OPCML: variants seen among roughly 807,000 people sequenced by gnomAD.
The protein encoded by OPCML is opioid-binding protein/cell adhesion molecule.
Under a neutral mutation model 37.8 loss-of-function variants are expected in OPCML, and 13 were observed. That is an observed-to-expected ratio of 0.34 (90% CI 0.22 to 0.55). The LOEUF is 0.55. Ranked by LOEUF, OPCML falls within the 20% of genes least tolerant of loss-of-function variation. The probability of loss-of-function intolerance (pLI) is 0.91; values close to 1 mark genes in which losing one functional copy is unlikely to be tolerated. For missense variants in OPCML, 341 were observed against 435.6 expected, an observed-to-expected ratio of 0.78 and a Z score of 1.93; for synonymous variants, 176 against 168.8, an observed-to-expected ratio of 1.04 and a Z score of -0.33.
At chr11:133,364,468 A>T (rs889026149) in intron 1 of OPCML, among the ~76,000 whole-genome samples, 1 of 152,178 alleles carries the variant, frequency 6.6e-6, no homozygotes, top group Non-Finnish European at 1.5e-5. Context: ...GACAGAAATT[A>T]ATAGTTCAGG....
intron 2 of OPCML, among the ~76,000 whole-genome samples, chr11:132,807,018 C>A (rs1185166339): frequency 6.6e-6 from 1 of 152,092 alleles, no homozygotes; most frequent in Non-Finnish European, 1.5e-5. Context: ...AGAGATGCCC[C>A]TAACGGAATG....
chr11:133,375,767 T>A (rs1944789183), intron 1 of OPCML, among the ~76,000 whole-genome samples: 1 of 152,206 alleles, frequency 6.6e-6, no homozygotes, highest in Non-Finnish European at 1.5e-5. Flanking sequence ...ATTCAAGCTG[T>A]CAGCTGTCTT....
chr11:132,893,216 C>T (rs76031652), intron 2 of OPCML, among the ~76,000 whole-genome samples: 4 of 152,196 alleles, frequency 2.6e-5, no homozygotes, highest in African/African-American at 9.6e-5. Flanking sequence ...GAGCCAAGAT[C>T]GTGCCGCTGC....
intron 1 of OPCML, among the ~76,000 whole-genome samples, chr11:133,374,717 A>C (rs1003180853): frequency 6.6e-6 from 1 of 152,134 alleles, no homozygotes; most frequent in Non-Finnish European, 1.5e-5. Flanking sequence ...TCCAATCAAA[A>C]GTTTTTATTT....
chr11:132,974,010 T>C (rs1946403834), intron 1 of OPCML, among the ~76,000 whole-genome samples: 1 of 152,250 alleles, frequency 6.6e-6, no homozygotes, highest in South Asian at 2.1e-4. Context: ...TATCTACACG[T>C]GGGTCTTCTT....
intron 1 of OPCML, among the ~76,000 whole-genome samples, chr11:133,148,768 A>AGTT (rs1949933698): frequency 1.3e-5 from 2 of 152,174 alleles, no homozygotes; most frequent in Admixed American, 1.3e-4. Context: ...GCTGTCCAGG[A>AGTT]TCAGAGAGAC....
At chr11:132,975,736 C>T (rs1946449004) in intron 1 of OPCML, among the ~76,000 whole-genome samples, 1 of 151,970 alleles carries the variant, frequency 6.6e-6, no homozygotes, top group Non-Finnish European at 1.5e-5. Flanking sequence ...GATCTGTCCA[C>T]ATAGTAGGCA....
intron 1 of OPCML, among the ~76,000 whole-genome samples, chr11:133,110,434 T>G (rs150637555): frequency 6.6e-5 from 10 of 152,276 alleles, no homozygotes; most frequent in Admixed American, 1.3e-4. Flanking sequence ...TGTTGTTGTG[T>G]GACTTAGGCT....
intron 2 of OPCML, among the ~76,000 whole-genome samples, chr11:132,941,398 T>C (rs1393140456): frequency 6.6e-6 from 1 of 152,168 alleles, no homozygotes; most frequent in Admixed American, 6.5e-5. Flanking sequence ...GCACATTAGA[T>C]GGTAAAGAGG....
intron 1 of OPCML, among the ~76,000 whole-genome samples, chr11:133,436,676 G>A (rs1242726938): frequency 6.6e-6 from 1 of 152,120 alleles, no homozygotes; most frequent in Admixed American, 6.6e-5. Flanking sequence ...CGGGTTTAGG[G>A]CCCAGTTCCA....
chr11:132,704,932 G>A (rs1295730204), intron 2 of OPCML, among the ~76,000 whole-genome samples: 1 of 152,206 alleles, frequency 6.6e-6, no homozygotes, highest in Non-Finnish European at 1.5e-5. Context: ...GGAAGTTAAT[G>A]TTTAACCAAT....
At chr11:132,662,945 A>G (rs530242257) in intron 2 of OPCML, among the ~76,000 whole-genome samples, 13 of 152,350 alleles carry the variant, frequency 8.5e-5, no homozygotes, top group Admixed American at 7.8e-4. Context: ...TGATATTTTG[A>G]TAAACTGAGA....
At chr11:132,842,457 G>A (rs887152432) in intron 2 of OPCML, among the ~76,000 whole-genome samples, 3 of 152,174 alleles carry the variant, frequency 2.0e-5, no homozygotes, top group African/African-American at 7.2e-5. Context: ...AACTTGGTTT[G>A]AGGACCAAAG....
At chr11:133,525,528 G>A (rs530577027) in intron 1 of OPCML, among the ~76,000 whole-genome samples, 12 of 151,314 alleles carry the variant, frequency 7.9e-5, no homozygotes, top group African/African-American at 1.9e-4. Flanking sequence ...TTTAGGCAAC[G>A]CGAAGATCAG....
intron 4 of OPCML, among the ~76,000 whole-genome samples, chr11:132,499,924 T>C (rs1175661688): frequency 6.6e-6 from 1 of 152,210 alleles, no homozygotes; most frequent in Non-Finnish European, 1.5e-5. Flanking sequence ...AGGCATATAG[T>C]ACATGAAGAA....
intron 2 of OPCML, among the ~76,000 whole-genome samples, chr11:132,785,836 T>C (rs1026248781): frequency 1.3e-5 from 2 of 152,168 alleles, no homozygotes. Context: ...AGACCTCAGA[T>C]CTAAATTTTC....
chr11:132,520,432 T>C (rs1253104391), intron 4 of OPCML, among the ~76,000 whole-genome samples: 1 of 152,204 alleles, frequency 6.6e-6, no homozygotes, highest in Non-Finnish European at 1.5e-5. Context: ...GGAGCTGCTA[T>C]AAACCCACTT....
chr11:133,508,814 CTCGAG>C lies in OPCML; in HGVS notation c.61+23445_61+23449del, dbSNP rs552337236. On this transcript the variant is annotated intron_variant, in intron 1 of 7. Transcript: ENST00000524381. ...ACAGCAAGGAAAGCGCTGAAAACGACTCGAGTCAAGAATGAACACTTGCTGTGCCT... is the reference window on the plus strand; with the variant it reads ...ACAGCAAGGAAAGCGCTGAAAACGACTCAAGAATGAACACTTGCTGTGCCT... Among the ~76,000 whole-genome samples the C allele has an allele frequency of 2.4e-4, 36 of 152,316 alleles. No individual in the cohort carries two copies. In the East Asian group the frequency reaches 6.4e-3, roughly 27 times the overall value.
intron 1 of OPCML, among the ~76,000 whole-genome samples, chr11:133,198,679 CAG>C: frequency 6.6e-6 from 1 of 152,222 alleles, no homozygotes; most frequent in East Asian, 1.9e-4. Flanking sequence ...GTGGATTTTA[CAG>C]AGAGACCATG....
Sources: gnomAD v4.1 joint callset for allele counts (sites outside exome capture counted in the v4.1 genomes callset) on GRCh38, gnomAD v4.1.1 for gene constraint, MANE v1.5 for transcripts, NCBI Gene and HGNC (gene_info 2026-07-23, HGNC 2026-07-21) for gene names.